The following OCRL variants were observed in gnomAD, a reference collection of about 807,000 sequenced individuals.
The protein encoded by OCRL is inositol polyphosphate 5-phosphatase OCRL.
In OCRL, 8 loss-of-function variants were observed where a neutral mutation model predicts 78.9. The ratio of observed to expected loss-of-function variants is 0.10; its 90% confidence interval spans 0.06 to 0.18. OCRL has a LOEUF of 0.18. OCRL is among the 10% of genes least tolerant of loss of function. OCRL has a pLI of 1.00. For synonymous variants in OCRL, 240 were observed against 235.4 expected, an observed-to-expected ratio of 1.02 and a Z score of -0.18; for missense variants, 454 against 696.7, an observed-to-expected ratio of 0.65 and a Z score of 3.92.
intron 18 of OCRL, among the ~76,000 whole-genome samples, chrX:129,582,762 C>T (rs745538654): frequency 6.3e-5 from 7 of 111,683 alleles, no homozygotes; most frequent in Admixed American, 2.9e-4. Flanking sequence ...ATGTTTAATT[C>T]GTGAAGTATC....
At chrX:129,568,404 G>C (rs72614122) in intron 14 of OCRL, among the ~76,000 whole-genome samples, 1 of 110,962 alleles carries the variant, frequency 9.0e-6, no homozygotes, top group South Asian at 3.8e-4. Context: ...GAATCCCCAC[G>C]CATGTTCAGC....
chrX:129,547,520 G>A (rs754931723), intron 3 of OCRL, among the ~76,000 whole-genome samples: 33 of 74,564 alleles, frequency 4.4e-4, no homozygotes, highest in African/African-American at 1.8e-3. Flanking sequence ...GCAAGACTCC[G>A]TCTCAAAAAA....
intron 12 of OCRL, 71 bp from the exon 13 acceptor site, chrX:129,565,701 C>CT: frequency 1.2e-6 from 1 of 821,668 alleles, no homozygotes; most frequent in Non-Finnish European, 1.8e-6. Context: ...ACCCATTTTT[C>CT]TTCTCTCCAT....
intron 3 of OCRL, among the ~76,000 whole-genome samples, chrX:129,545,849 G>T (rs1935871070): frequency 9.0e-6 from 1 of 110,908 alleles, no homozygotes; most frequent in African/African-American, 3.3e-5. Flanking sequence ...CAAGTAGCTG[G>T]GACTGCAGGT....
rs968578043 is a variant in OCRL, at chrX:129,561,942, T to C, written c.940-442T>C. On this transcript the variant is annotated intron_variant, in intron 10 of 23. Coordinates refer to ENST00000371113, the MANE Select transcript of OCRL (RefSeq NM_000276.4). Reference sequence around the variant, plus strand: ...TATAGGTCCCTGACTAATGTATATCTCAGACATATTTCTAGCTGTAGTTCA... The same window carrying C: ...TATAGGTCCCTGACTAATGTATATCCCAGACATATTTCTAGCTGTAGTTCA... 4.5e-5 allele frequency among the ~76,000 whole-genome samples: 5 copies of C among 112,063 alleles called. No individual in the cohort carries two copies. In the Admixed American group the frequency reaches 4.7e-4, roughly 11 times the overall value.
intron 4 of OCRL, among the ~76,000 whole-genome samples, chrX:129,553,968 G>A (rs777250988): frequency 8.0e-4 from 88 of 110,433 alleles, no homozygotes; most frequent in Non-Finnish European, 1.5e-3. Context: ...CAATTAGTTG[G>A]ATTTCTGAGG....
chrX:129,542,821 T>C (rs1426952180), intron 2 of OCRL, among the ~76,000 whole-genome samples: 3 of 111,871 alleles, frequency 2.7e-5, no homozygotes, highest in Non-Finnish European at 3.8e-5. Flanking sequence ...TCTGGTGTCT[T>C]TTCTGACTCG....
chrX:129,547,524 C>CAAAAAA (rs1177506776), intron 3 of OCRL, among the ~76,000 whole-genome samples: 13 of 34,157 alleles, frequency 3.8e-4, no homozygotes, highest in Non-Finnish European at 5.5e-4. Flanking sequence ...GACTCCGTCT[C>CAAAAAA]AAAAAAAAAA....
chrX:129,563,402 TACTC>T lies in OCRL; in HGVS notation c.1244+620_1244+623del, dbSNP rs757534596. Among the ~76,000 whole-genome samples, 580 of 112,636 alleles carry T rather than the reference TACTC, an allele frequency of 5.1e-3. 8 individuals carry two copies. The highest frequency in any genetic ancestry group is 0.018 in the African/African-American group (547 of 31,069). ...TATTGAGTAAAATGAAATTTATTGA[TACTC>T]ACTTGTTTTTTTTCTTTTTAAATGC... is the stretch of plus-strand genomic sequence containing the variant. On this transcript the variant is annotated intron_variant, in intron 12 of 23. Transcript: ENST00000371113.
intron 3 of OCRL, among the ~76,000 whole-genome samples, chrX:129,547,379 G>A (rs1171791819): frequency 4.6e-5 from 5 of 109,407 alleles, no homozygotes; most frequent in Non-Finnish European, 9.5e-5. Flanking sequence ...CAAAAAATTA[G>A]CCGGGCATGG....
rs1936575290 is a variant in OCRL at position 129,590,716 on chromosome X, C to G, written c.*446C>G. The G allele has an allele frequency of 5.6e-6, 1 of 177,206 alleles. No homozygotes were observed. Among genetic ancestry groups the G allele is most frequent in the Admixed American group, 7.2e-5 (1 of 13,846 alleles). The allele number at this position is 177,206 out of a possible 1,213,427, so 14.6% of individuals were successfully genotyped here. ...TGACCCACCCCTTCCTGGATCACTCCTTTGCACTCCACTCCCCTCGTTCTG... is the reference window on the plus strand; with the variant it reads ...TGACCCACCCCTTCCTGGATCACTCGTTTGCACTCCACTCCCCTCGTTCTG... On this transcript the variant is annotated 3_prime_UTR_variant, in exon 24 of 24. Transcript: ENST00000371113.
At chrX:129,590,031 TGCATATGCAG>T in intron 23 of OCRL, 75 bp downstream of exon 23, 1 of 1,136,264 alleles carries the variant, frequency 8.8e-7, no homozygotes, top group Middle Eastern at 2.4e-4. Flanking sequence ...TATACCTTAC[TGCATATGCAG>T]GCACATGGCA....
intron 8 of OCRL, among the ~76,000 whole-genome samples, chrX:129,559,481 G>C (rs756613004): frequency 1.8e-5 from 2 of 111,818 alleles, no homozygotes; most frequent in Non-Finnish European, 3.8e-5. Context: ...TTACAGGCTT[G>C]AGCCACCGTG....
chrX:129,567,424 C>T, intron 14 of OCRL, 61 bp downstream of exon 14: 1 of 850,328 alleles, frequency 1.2e-6, no homozygotes, highest in African/African-American at 2.0e-5. Context: ...TCTGACCCTC[C>T]ATATTGGTAA....
intron 8 of OCRL, among the ~76,000 whole-genome samples, chrX:129,559,264 T>G (rs909047373): frequency 1.8e-5 from 2 of 111,334 alleles, no homozygotes; most frequent in African/African-American, 6.5e-5. Context: ...AGCAGATAGA[T>G]CATGGCTTAC....
chrX:129,540,972 C>CG, intron 2 of OCRL, 149 bp downstream of exon 2: 1 of 515,068 alleles, frequency 1.9e-6, no homozygotes, highest in Non-Finnish European at 3.5e-6. Context: ...TCTCTAACCT[C>CG]GGGGCTTTGT....
At chrX:129,544,113 A>G (rs1055881387) in intron 2 of OCRL, among the ~76,000 whole-genome samples, 1 of 111,291 alleles carries the variant, frequency 9.0e-6, no homozygotes, top group East Asian at 2.8e-4. Flanking sequence ...CTGACAAAAA[A>G]CTAAAAACAA....
intron 12 of OCRL, among the ~76,000 whole-genome samples, chrX:129,564,392 A>C (rs1272474955): frequency 1.4e-4 from 16 of 110,673 alleles, no homozygotes; most frequent in Non-Finnish European, 2.6e-4. Context: ...AAGGACTATA[A>C]ATCATGCTGC....
chrX:129,559,313 G>A (rs1286787405), intron 8 of OCRL, among the ~76,000 whole-genome samples: 4 of 111,113 alleles, frequency 3.6e-5, no homozygotes, highest in African/African-American at 9.8e-5. Flanking sequence ...ATCCTCCCAC[G>A]CCAGCCCTGC....
Sources: allele counts gnomAD v4.1 joint callset (sites outside exome capture counted in the v4.1 genomes callset), GRCh38; gene constraint gnomAD v4.1.1; transcripts MANE v1.5; gene names NCBI Gene and HGNC (gene_info 2026-07-23, HGNC 2026-07-21).